Variants in TACR3 observed in about 807,000 individuals in gnomAD.
The protein encoded by TACR3 is neuromedin-K receptor.
A neutral mutation model predicts 35.0 loss-of-function variants in TACR3; 34 were observed. The observed-to-expected ratio is 0.97, with a 90% CI of 0.74 to 1.30. The LOEUF is 1.30. Among genes scored for constraint, TACR3 ranks in the 50% most tolerant of loss-of-function variants. The pLI is 0.00. For synonymous variants in TACR3, 233 were observed against 221.1 expected (o/e 1.05, Z -0.48); for missense variants, 558 against 591.7 (o/e 0.94, Z 0.59).
At chr4:103,638,906 G>A (rs1408240780) in intron 3 of TACR3, among the ~76,000 whole-genome samples, 1 of 152,162 alleles carries the variant, frequency 6.6e-6, no homozygotes, top group African/African-American at 2.4e-5. Flanking sequence ...TCTCACACCA[G>A]TTAGAATGGC....
At chr4:103,691,109 T>G (rs1722393672) in intron 1 of TACR3, among the ~76,000 whole-genome samples, 1 of 152,184 alleles carries the variant, frequency 6.6e-6, no homozygotes, top group Non-Finnish European at 1.5e-5. Context: ...CTCACTCCTA[T>G]TTTCTTGCCC....
At chr4:103,641,338 T>C (rs1022086833) in intron 3 of TACR3, among the ~76,000 whole-genome samples, 1 of 151,984 alleles carries the variant, frequency 6.6e-6, no homozygotes, top group Non-Finnish European at 1.5e-5. Context: ...TAAGATAGTG[T>C]GATACCTTTA....
chr4:103,646,512 A>AC (rs1725458196), intron 3 of TACR3, among the ~76,000 whole-genome samples: 1 of 151,980 alleles, frequency 6.6e-6, no homozygotes, highest in Admixed American at 6.6e-5. Context: ...GTTGATTAGT[A>AC]TAATTTATTC....
rs572837508 is a variant in TACR3 at position 103,615,258 on chromosome 4, A to T, written c.889-23575T>A. On this transcript the variant is annotated intron_variant, in intron 3 of 4. Coordinates refer to ENST00000304883, the MANE Select transcript of TACR3 (RefSeq NM_001059.3). The stretch of plus-strand genomic sequence containing the variant: ...CGTGAGCTGAGGGACCATGGGTAAC[A>T]TGAAGACCGAGTACTGGAGGGCCAA... Among the ~76,000 whole-genome samples, 12 of 152,268 alleles carry T rather than the reference A, an allele frequency of 7.9e-5. No homozygotes were observed. The East Asian group carries it at 2.3e-3, about 29-fold the overall frequency.
At chr4:103,600,183 G>T (rs1031657079) in intron 3 of TACR3, among the ~76,000 whole-genome samples, 2 of 152,058 alleles carry the variant, frequency 1.3e-5, no homozygotes, top group Non-Finnish European at 1.5e-5. Flanking sequence ...TTTAGTCTTG[G>T]GAGGGTGTAT....
intron 1 of TACR3, among the ~76,000 whole-genome samples, chr4:103,685,935 A>T (rs574059340): frequency 6.6e-6 from 1 of 152,114 alleles, no homozygotes; most frequent in South Asian, 2.1e-4. Context: ...GCCGTATTGG[A>T]GGGGGCTGAC....
intron 1 of TACR3, 70 bp downstream of exon 1, chr4:103,719,058 A>G (rs1723150326): frequency 6.3e-7 from 1 of 1,595,410 alleles, no homozygotes; most frequent in Non-Finnish European, 8.6e-7. Flanking sequence ...TTTCCTTTGT[A>G]ATCTTATCCC....
chr4:103,615,747 T>TA (rs975928291), intron 3 of TACR3, among the ~76,000 whole-genome samples: 4 of 152,122 alleles, frequency 2.6e-5, no homozygotes, highest in African/African-American at 9.7e-5. Context: ...TCTTAAACAG[T>TA]AAAAAAGTAC....
intron 3 of TACR3, among the ~76,000 whole-genome samples, chr4:103,641,199 A>G (rs941117169): frequency 6.6e-6 from 1 of 151,918 alleles, no homozygotes; most frequent in Non-Finnish European, 1.5e-5. Flanking sequence ...CTTTGTTAAT[A>G]TCAATTTATT....
chr4:103,590,112 T>G, intron 4 of TACR3, 118 bp from the exon 5 acceptor site: 1 of 1,260,818 alleles, frequency 7.9e-7, no homozygotes, highest in Non-Finnish European at 1.1e-6. Context: ...GAGTTTGGTT[T>G]TTAGCCAGAC....
intron 3 of TACR3, among the ~76,000 whole-genome samples, chr4:103,595,015 C>T (rs1276670428): frequency 6.6e-6 from 1 of 152,136 alleles, no homozygotes; most frequent in Non-Finnish European, 1.5e-5. Context: ...AACGTAGGCT[C>T]TTGGGTGGGA....
At chr4:103,649,355 CTT>C (rs1302464515) in intron 3 of TACR3, among the ~76,000 whole-genome samples, 2 of 152,002 alleles carry the variant, frequency 1.3e-5, no homozygotes, top group African/African-American at 4.8e-5. Context: ...CTCAAGAACT[CTT>C]TGCCTAGTTC....
chr4:103,593,409 T>C (rs944117512), intron 3 of TACR3: 1 of 152,160 alleles, frequency 6.6e-6, no homozygotes, highest in African/African-American at 2.4e-5. Flanking sequence ...ATAATTTTAA[T>C]AAAAATGCAT....
intron 2 of TACR3, among the ~76,000 whole-genome samples, chr4:103,656,564 T>A (rs1725738546): frequency 1.3e-5 from 2 of 152,120 alleles, no homozygotes; most frequent in South Asian, 4.1e-4. Flanking sequence ...ACTTGGTATA[T>A]GAAAACTATA....
chr4:103,649,334 G>T (rs1168346533), intron 3 of TACR3, among the ~76,000 whole-genome samples: 1 of 152,000 alleles, frequency 6.6e-6, no homozygotes. Context: ...GCCTGTGCTT[G>T]TTGGGTATTA....
chr4:103,599,831 T>G (rs1218213601), intron 3 of TACR3, among the ~76,000 whole-genome samples: 1 of 152,194 alleles, frequency 6.6e-6, no homozygotes, highest in Non-Finnish European at 1.5e-5. Flanking sequence ...GATAAACTTT[T>G]TGATGTGCTG....
chr4:103,689,347 A>T (rs1436489504), intron 1 of TACR3, among the ~76,000 whole-genome samples: 3 of 152,012 alleles, frequency 2.0e-5, no homozygotes, highest in Non-Finnish European at 2.9e-5. Context: ...ACATGTATAC[A>T]TATGTAACTA....
intron 3 of TACR3, among the ~76,000 whole-genome samples, chr4:103,596,833 T>C (rs574893838): frequency 6.6e-6 from 1 of 150,982 alleles, no homozygotes; most frequent in African/African-American, 2.4e-5. Flanking sequence ...AATTCCCACC[T>C]GTGAGTGAGA....
In TACR3 at chr4:103,640,886, C is replaced by A. The variant is rs190047790; in HGVS notation, c.888+15308G>T. Among the ~76,000 whole-genome samples the A allele has an allele frequency of 1.2e-3, 184 of 151,974 alleles. 1 individual carries two copies. The highest frequency in any genetic ancestry group is 4.1e-3 in the African/African-American group (171 of 41,478). On this transcript the variant is annotated intron_variant, in intron 3 of 4. Coordinates refer to ENST00000304883, the MANE Select transcript of TACR3 (RefSeq NM_001059.3). ...CCTGCTCTATAGATTGTTTTCTTTG[C>A]CATGCAGAAGATTTTAGTTTAATGC...
Sources: gnomAD v4.1 joint callset for allele counts (sites outside exome capture counted in the v4.1 genomes callset) on GRCh38, gnomAD v4.1.1 for gene constraint, MANE v1.5 for transcripts, NCBI Gene and HGNC (gene_info 2026-07-23, HGNC 2026-07-21) for gene names.